Variants in LRRC74A observed in about 807,000 individuals in gnomAD.
LRRC74A encodes leucine-rich repeat-containing protein 74A.
In LRRC74A, 44 loss-of-function variants were observed where a neutral mutation model predicts 57.9. The ratio of observed to expected loss-of-function variants is 0.76; its 90% CI spans 0.60 to 0.98. The LOEUF (loss-of-function observed/expected upper bound fraction) is 0.98. Among genes scored for constraint, LRRC74A ranks in the 50% least tolerant of loss-of-function variants. LRRC74A has a pLI of 0.00. For synonymous variants in LRRC74A, 211 were observed against 219.4 expected (o/e 0.96, Z 0.34); for missense variants, 572 against 574.0 (o/e 1.00, Z 0.04).
intron 9 of LRRC74A, among the ~76,000 whole-genome samples, chr14:76,854,722 GAATTA>G (rs1352896078): frequency 6.6e-6 from 1 of 152,148 alleles, no homozygotes; most frequent in African/African-American, 2.4e-5. Context: ...ATGAATGAAT[GAATTA>G]ATGAATACAT....
In LRRC74A at chr14:76,836,153, A is replaced by T. The variant is rs879905426; in HGVS notation, c.340-54A>T. On this transcript the variant is annotated intron_variant, in intron 3 of 13. Transcript: ENST00000689127. ...CTGGCCCAGGGCGAGCAGGGAACTG[A>T]CTGGGTCACCAACCACTTCTGTGTC... 2.5e-5 allele frequency: 34 copies of T among 1,339,384 alleles called. No homozygotes were observed. In the Admixed American group the frequency reaches 6.0e-4, roughly 24 times the overall value. The allele number at this position is 1,339,384 out of a possible 1,614,324, so 83.0% of individuals were successfully genotyped here. A position where few individuals can be genotyped will look rare whatever the true frequency, so the allele number is the denominator to read the frequency against.
At position 76,826,593 on chromosome 14, in the gene LRRC74A, G is replaced by T; in HGVS notation, c.-105G>T. Reference sequence around the variant, plus strand: ...CCTGGGATGCCCCCAGGTGAGGGAAGTTCACAGAGTTTGAGACAGAGGTGA... The same window carrying T: ...CCTGGGATGCCCCCAGGTGAGGGAATTTCACAGAGTTTGAGACAGAGGTGA... On this transcript the variant is annotated 5_prime_UTR_variant, in exon 1 of 14. Coordinates refer to ENST00000689127, the MANE Select transcript of LRRC74A (RefSeq NM_001385106.1). 6.2e-7 allele frequency: 1 copy of T among 1,612,898 alleles called. No homozygotes were observed. The highest frequency in any genetic ancestry group is 8.5e-7 in the Non-Finnish European group (1 of 1,179,436).
At chr14:76,827,167 A>C (rs907520939) in intron 1 of LRRC74A, among the ~76,000 whole-genome samples, 1 of 152,208 alleles carries the variant, frequency 6.6e-6, no homozygotes, top group African/African-American at 2.4e-5. Flanking sequence ...TAACACTCAG[A>C]AATTCATCAC....
Position 76,865,944 on chromosome 14 carries a change from C to T in LRRC74A, c.1201-24C>T, listed in dbSNP as rs192440024. 461 of 1,505,366 alleles carry T rather than the reference C, an allele frequency of 3.1e-4. 3 individuals carry two copies. The African/African-American group carries it at 5.8e-3, about 19-fold the overall frequency. 93.3% of individuals were successfully genotyped at this position (1,505,366 alleles called of 1,614,324 possible). A position where few individuals can be genotyped will look rare whatever the true frequency, so the allele number is the denominator to read the frequency against. On this transcript the variant is annotated intron_variant, in intron 11 of 13. Transcript: ENST00000689127. ...GTTGTTACAAGACCAAGTGTTTGCT[C>T]CTGGTCTCTCCTGCTTCTCTCAGAG...
intron 2 of LRRC74A, chr14:76,829,081 C>T (rs1895792903): frequency 7.8e-7 from 1 of 1,289,430 alleles, no homozygotes; most frequent in Non-Finnish European, 1.0e-6. Flanking sequence ...CACCCTCTCT[C>T]TCCTCCCAGT....
intron 1 of LRRC74A, among the ~76,000 whole-genome samples, chr14:76,827,438 A>G (rs776270577): frequency 1.9e-4 from 29 of 152,192 alleles, no homozygotes; most frequent in Non-Finnish European, 3.7e-4. Context: ...CTGACAGGTC[A>G]TTCAGAGGCA....
intron 10 of LRRC74A, among the ~76,000 whole-genome samples, chr14:76,859,242 TAGAAATGTTCTC>T (rs1023586837): frequency 7.9e-5 from 12 of 152,140 alleles, no homozygotes; most frequent in African/African-American, 2.9e-4. Flanking sequence ...GAGAGAACAT[TAGAAATGTTCTC>T]TCAGGCGCGG....
Position 76,860,760 on chromosome 14 carries a change from A to G in LRRC74A, c.1121A>G (p.Asp374Gly), listed in dbSNP as rs1414707118. 6.2e-7 allele frequency: 1 copy of G among 1,611,696 alleles called. No homozygotes were observed. The highest frequency in any genetic ancestry group is 1.3e-5 in the African/African-American group (1 of 74,824). ...GTGTATGCCGTTCACCCGCAGCTGGACGTGGTATTCAAGGCAGTACAAGGC... is the reference window on the plus strand; with the variant it reads ...GTGTATGCCGTTCACCCGCAGCTGGGCGTGGTATTCAAGGCAGTACAAGGC... ...DGVYAVHPQLDVVFKAVQGLS... is the reference protein window; with the variant it reads ...DGVYAVHPQLGVVFKAVQGLS... Residue 374 changes from aspartate (D) to glycine (G), a missense_variant, in exon 11 of 14, where the codon GAC becomes GGC. By Grantham distance (94) the Asp-to-Gly change is moderately conservative (BLOSUM62 -1). Transcript: ENST00000689127.
chr14:76,835,845 TA>T (rs753581061), intron 3 of LRRC74A, among the ~76,000 whole-genome samples: 1 of 152,250 alleles, frequency 6.6e-6, no homozygotes, highest in Non-Finnish European at 1.5e-5. Context: ...CAAGAATCTT[TA>T]TGTTTAAATA....
intron 12 of LRRC74A, among the ~76,000 whole-genome samples, chr14:76,866,928 G>A (rs538269346): frequency 1.5e-5 from 2 of 130,320 alleles, no homozygotes; most frequent in Non-Finnish European, 3.3e-5. Flanking sequence ...GTGTGTGTTG[G>A]GGGGGGTGGT....
At chr14:76,857,623 G>A (rs2140303211) in intron 10 of LRRC74A, 148 bp downstream of exon 10, 1 of 591,372 alleles carries the variant, frequency 1.7e-6, no homozygotes, top group Non-Finnish European at 3.0e-6. Context: ...TTTTGTTACA[G>A]CTCTGCCCTC....
At chr14:76,850,844 CAAAAAAAAAAAAA>C (rs36208311) in intron 7 of LRRC74A, among the ~76,000 whole-genome samples, 1 of 130,846 alleles carries the variant, frequency 7.6e-6, no homozygotes, top group Admixed American at 8.4e-5. Context: ...AACTCTGTCT[CAAAAAAAAAAAAA>C]AAAAAAAGAA....
intron 9 of LRRC74A, among the ~76,000 whole-genome samples, chr14:76,857,064 T>C (rs1396026764): frequency 6.7e-6 from 1 of 148,610 alleles, no homozygotes; most frequent in Non-Finnish European, 1.5e-5. Context: ...GATGAATGGA[T>C]GGATAGATGG....
Position 76,837,906 on chromosome 14 carries a change from G to C in LRRC74A, c.479G>C (p.Gly160Ala). 1 of 1,592,362 alleles carries C rather than the reference G, an allele frequency of 6.3e-7. No individual in the cohort carries two copies. The highest frequency in any genetic ancestry group is 1.1e-5 in the South Asian group (1 of 87,488). Residue 160 changes from glycine to alanine, a missense_variant, in exon 5 of 14, where the codon GGG becomes GCG. Physicochemically the swap from Gly to Ala is moderately conservative, Grantham distance 60. Transcript: ENST00000689127. ...NISNNHLGLE[G>A]ARIISDFFER... ...TCCAACAATCACCTTGGTTTGGAGG[G>C]GGCCAGAATCATCTCAGATTTCTTT...
intron 13 of LRRC74A, among the ~76,000 whole-genome samples, chr14:76,869,722 A>G (rs1452408245): frequency 6.6e-6 from 1 of 151,412 alleles, no homozygotes; most frequent in African/African-American, 2.4e-5. Flanking sequence ...AGATCGCACC[A>G]TTGCACTACA....
chr14:76,828,445 C>T (rs1273519872), intron 2 of LRRC74A, 26 bp downstream of exon 2: 2 of 1,613,550 alleles, frequency 1.2e-6, no homozygotes, highest in South Asian at 2.2e-5. Context: ...TGGGGGCAGT[C>T]AGGGCAGCTT....
intron 5 of LRRC74A, among the ~76,000 whole-genome samples, chr14:76,840,507 A>G (rs1218997614): frequency 6.6e-6 from 1 of 151,808 alleles, no homozygotes; most frequent in Non-Finnish European, 1.5e-5. Flanking sequence ...CATCTTTATC[A>G]TGTATTAAAC....
intron 10 of LRRC74A, among the ~76,000 whole-genome samples, chr14:76,858,565 C>T (rs530957763): frequency 6.6e-6 from 1 of 152,186 alleles, no homozygotes; most frequent in South Asian, 2.1e-4. Flanking sequence ...AAATTCAACC[C>T]ATAACAAGTG....
chr14:76,850,475 T>C (rs1318243363), intron 7 of LRRC74A, among the ~76,000 whole-genome samples: 3 of 151,884 alleles, frequency 2.0e-5, no homozygotes, highest in African/African-American at 7.3e-5. Context: ...GAAAGTTTGT[T>C]CCCAAAATTA....
Sources: allele counts gnomAD v4.1 joint callset (sites outside exome capture counted in the v4.1 genomes callset), GRCh38; gene constraint gnomAD v4.1.1; transcripts MANE v1.5; gene names NCBI Gene and HGNC (gene_info 2026-07-23, HGNC 2026-07-21).